The following TRPM3 variants were observed in gnomAD, a reference collection of about 807,000 sequenced individuals.
The protein encoded by TRPM3 is long transient receptor potential channel 3.
A neutral mutation model predicts 181.2 loss-of-function variants in TRPM3; 77 were observed. The observed-to-expected ratio is 0.42, with a 90% CI of 0.35 to 0.51. The LOEUF (loss-of-function observed/expected upper bound fraction) is 0.51. Among genes scored for constraint, TRPM3 ranks in the 20% least tolerant of loss-of-function variants. TRPM3 has a pLI of 0.01. For missense variants in TRPM3, 1,759 were observed against 2,196.7 expected (o/e 0.80, Z 3.98); for synonymous variants, 745 against 796.4 (o/e 0.94, Z 1.09).
chr9:71,053,368 G>A (rs1007588715), intron 1 of TRPM3, among the ~76,000 whole-genome samples: 3 of 151,998 alleles, frequency 2.0e-5, no homozygotes, highest in African/African-American at 7.2e-5. Flanking sequence ...TGTTATTTCA[G>A]CTCCATGCAG....
chr9:71,085,767 C>A (rs1314680385), intron 1 of TRPM3, among the ~76,000 whole-genome samples: 2 of 152,026 alleles, frequency 1.3e-5, no homozygotes, highest in African/African-American at 2.4e-5. Flanking sequence ...ATTAATTGAA[C>A]CCCTGTGGAA....
intron 1 of TRPM3, among the ~76,000 whole-genome samples, chr9:71,404,925 G>A (rs1375680726): frequency 6.6e-6 from 1 of 152,098 alleles, no homozygotes; most frequent in Non-Finnish European, 1.5e-5. Context: ...CAAATATCCA[G>A]TATGCATTGT....
At chr9:71,042,960 C>T (rs545580922) in intron 1 of TRPM3, among the ~76,000 whole-genome samples, 1 of 152,254 alleles carries the variant, frequency 6.6e-6, no homozygotes, top group East Asian at 1.9e-4. Context: ...AATGACTTTG[C>T]TAAACTGCAA....
rs553770104 is a variant in TRPM3, at chr9:70,748,519, C to T, written c.1272+13082G>A. Reference sequence around the variant, plus strand: ...TGTCTCCTTCAAATTCATATTGACTCTTAATCACCAAGATGATAGTATTAG... The same window carrying T: ...TGTCTCCTTCAAATTCATATTGACTTTTAATCACCAAGATGATAGTATTAG... On this transcript the variant is annotated intron_variant, in intron 8 of 25. Transcript: ENST00000677713. Among the ~76,000 whole-genome samples the T allele has an allele frequency of 3.9e-5, 6 of 152,240 alleles. No homozygotes were observed. In the East Asian group the frequency reaches 1.2e-3, roughly 29 times the overall value.
At chr9:71,139,601 C>A (rs1333931444) in intron 1 of TRPM3, among the ~76,000 whole-genome samples, 1 of 152,062 alleles carries the variant, frequency 6.6e-6, no homozygotes, top group African/African-American at 2.4e-5. Context: ...TTGGTAGGAA[C>A]TAGCCGATTT....
At chr9:70,660,669 C>T (rs549634004) in intron 9 of TRPM3, among the ~76,000 whole-genome samples, 1 of 152,154 alleles carries the variant, frequency 6.6e-6, no homozygotes, top group South Asian at 2.1e-4. Context: ...TCTTTACACA[C>T]ACAAACTAGA....
intron 1 of TRPM3, among the ~76,000 whole-genome samples, chr9:71,366,658 G>A (rs1323856142): frequency 1.3e-5 from 2 of 151,984 alleles, no homozygotes; most frequent in Non-Finnish European, 2.9e-5. Flanking sequence ...TGTTTTGTAG[G>A]GCAGTGGCTC....
At chr9:71,308,496 G>A (rs2087600462) in intron 1 of TRPM3, among the ~76,000 whole-genome samples, 1 of 152,014 alleles carries the variant, frequency 6.6e-6, no homozygotes, top group Non-Finnish European at 1.5e-5. Context: ...ACTATTTAAT[G>A]ATCAGTTACC....
chr9:71,392,810 T>G (rs2093093301), intron 1 of TRPM3, among the ~76,000 whole-genome samples: 2 of 152,262 alleles, frequency 1.3e-5, no homozygotes, highest in East Asian at 1.9e-4. Context: ...GAATGGCATT[T>G]AAGATATTCT....
At chr9:71,300,687 T>TGG (rs1348433572) in intron 1 of TRPM3, among the ~76,000 whole-genome samples, 1 of 152,112 alleles carries the variant, frequency 6.6e-6, no homozygotes, top group Non-Finnish European at 1.5e-5. Context: ...AGGTCAGTCT[T>TGG]TATGATGTAA....
In TRPM3 at chr9:71,193,748, C is replaced by T. The variant is rs369072175; in HGVS notation, c.183+252905G>A. 1.4e-4 allele frequency among the ~76,000 whole-genome samples: 22 copies of T among 151,944 alleles called. 1 individual carries two copies. In the East Asian group the frequency reaches 3.9e-3, roughly 27 times the overall value. On this transcript the variant is annotated intron_variant, in intron 1 of 24. Coordinates refer to the TRPM3 transcript ENST00000357533. ...GTCAGTGGATGATGTTACCATCCAC[C>T]GGATTCCAAGTAAGAAATCTAAACT...
At chr9:71,010,025 C>A (rs2097719262) in intron 1 of TRPM3, among the ~76,000 whole-genome samples, 1 of 152,078 alleles carries the variant, frequency 6.6e-6, no homozygotes, top group South Asian at 2.1e-4. Context: ...ATTGGATATC[C>A]ACATGCAGAA....
chr9:70,696,856 C>A (rs996508373), intron 8 of TRPM3, among the ~76,000 whole-genome samples: 2 of 152,160 alleles, frequency 1.3e-5, no homozygotes, highest in Admixed American at 6.5e-5. Flanking sequence ...TGTAAGTCTA[C>A]CTGCCTGCCA....
intron 1 of TRPM3, among the ~76,000 whole-genome samples, chr9:71,133,973 T>TTGTGTGTGTG (rs72198070): frequency 1.3e-5 from 2 of 148,460 alleles, no homozygotes; most frequent in African/African-American, 2.5e-5. Flanking sequence ...CTGTGTGTGT[T>TTGTGTGTGTG]TGTGTGTGTG....
At chr9:70,816,095 T>C (rs1039260355) in intron 6 of TRPM3, among the ~76,000 whole-genome samples, 6 of 152,220 alleles carry the variant, frequency 3.9e-5, no homozygotes, top group African/African-American at 1.4e-4. Context: ...CATTGAATAA[T>C]GCAAACTAGA....
At chr9:71,192,225 G>A (rs1039512381) in intron 1 of TRPM3, among the ~76,000 whole-genome samples, 2 of 151,674 alleles carry the variant, frequency 1.3e-5, no homozygotes, top group African/African-American at 4.8e-5. Context: ...GGGGAGATTT[G>A]GGAATTTGAA....
intron 5 of TRPM3, among the ~76,000 whole-genome samples, chr9:70,829,798 GT>G (rs1224839316): frequency 2.0e-5 from 3 of 152,120 alleles, no homozygotes; most frequent in Admixed American, 1.3e-4. Flanking sequence ...AGAGACAGTG[GT>G]TTGCTAATCC....
At chr9:71,350,158 T>G (rs2091538914) in intron 1 of TRPM3, among the ~76,000 whole-genome samples, 1 of 152,126 alleles carries the variant, frequency 6.6e-6, no homozygotes, top group Non-Finnish European at 1.5e-5. Context: ...GGAGAAATCA[T>G]GAGATGTTTC....
chr9:70,983,838 T>A (rs956593305), intron 1 of TRPM3, among the ~76,000 whole-genome samples: 1 of 152,230 alleles, frequency 6.6e-6, no homozygotes, highest in Non-Finnish European at 1.5e-5. Flanking sequence ...GAGCCTATTG[T>A]TACAAAGATA....
Sources: gnomAD v4.1 joint callset for allele counts (sites outside exome capture counted in the v4.1 genomes callset) on GRCh38, gnomAD v4.1.1 for gene constraint, MANE v1.5 for transcripts, NCBI Gene and HGNC (gene_info 2026-07-23, HGNC 2026-07-21) for gene names.